CLIC4: variants seen among roughly 807,000 people sequenced by gnomAD.
The protein encoded by CLIC4 is CLIC family member 4.
A neutral mutation model predicts 24.6 loss-of-function variants in CLIC4; 13 were observed. The ratio of observed to expected loss-of-function variants is 0.53; its 90% CI spans 0.34 to 0.84. The LOEUF is 0.84. Ranked by LOEUF, CLIC4 falls within the 40% of genes least tolerant of loss-of-function variation. The pLI is 0.01. For synonymous variants in CLIC4, 104 were observed against 111.3 expected (o/e 0.93, Z 0.41); for missense variants, 227 against 301.7 (o/e 0.75, Z 1.83).
chr1:24,784,771 C>T (rs999300895), intron 1 of CLIC4, among the ~76,000 whole-genome samples: 3 of 151,914 alleles, frequency 2.0e-5, no homozygotes, highest in Admixed American at 6.6e-5. Context: ...TTTGGGAGGC[C>T]GAGGCAGGCG....
chr1:24,770,466 C>T (rs1399357751), intron 1 of CLIC4, among the ~76,000 whole-genome samples: 3 of 152,076 alleles, frequency 2.0e-5, no homozygotes, highest in African/African-American at 7.2e-5. Context: ...ATGAGATCAG[C>T]CAGTGCTTTT....
intron 3 of CLIC4, among the ~76,000 whole-genome samples, chr1:24,820,924 C>G (rs1310859471): frequency 6.6e-6 from 1 of 152,180 alleles, no homozygotes; most frequent in Non-Finnish European, 1.5e-5. Flanking sequence ...TGGCTCATGC[C>G]TGTAATCCCA....
intron 1 of CLIC4, among the ~76,000 whole-genome samples, chr1:24,757,537 C>T (rs1036093675): frequency 5.3e-5 from 8 of 151,880 alleles, no homozygotes; most frequent in Admixed American, 3.9e-4. Flanking sequence ...CCCAGGAGTT[C>T]GAGACCAGCC....
intron 4 of CLIC4, among the ~76,000 whole-genome samples, chr1:24,836,900 A>G (rs1639891164): frequency 1.3e-5 from 2 of 152,240 alleles, no homozygotes; most frequent in South Asian, 4.1e-4. Context: ...ATTAATTAGT[A>G]TATTTCTAAA....
At chr1:24,751,232 T>C (rs904539311) in intron 1 of CLIC4, among the ~76,000 whole-genome samples, 2 of 137,372 alleles carry the variant, frequency 1.5e-5, no homozygotes, top group African/African-American at 5.5e-5. Flanking sequence ...TTTTTTGAGA[T>C]GGAGTCTTGC....
intron 1 of CLIC4, 86 bp downstream of exon 1, chr1:24,745,711 G>T: frequency 8.9e-7 from 1 of 1,119,644 alleles, no homozygotes; most frequent in African/African-American, 1.6e-5. Flanking sequence ...CTCTCCTGAG[G>T]CGCCCCCGCT....
At chr1:24,826,518 G>C (rs904293632) in intron 3 of CLIC4, among the ~76,000 whole-genome samples, 3 of 152,228 alleles carry the variant, frequency 2.0e-5, no homozygotes, top group Non-Finnish European at 4.4e-5. Flanking sequence ...CTGAGCACTT[G>C]AAATGTGACT....
At chr1:24,763,041 T>G (rs796720477) in intron 1 of CLIC4, among the ~76,000 whole-genome samples, 3 of 152,286 alleles carry the variant, frequency 2.0e-5, no homozygotes, top group African/African-American at 7.2e-5. Context: ...GTATTGCTTC[T>G]TCGTATGAAT....
intron 1 of CLIC4, among the ~76,000 whole-genome samples, chr1:24,761,655 G>A (rs976645923): frequency 6.6e-6 from 1 of 152,162 alleles, no homozygotes; most frequent in Non-Finnish European, 1.5e-5. Context: ...GATTAGAGTT[G>A]CATCTTAATA....
chr1:24,791,255 A>G (rs1038305713), intron 1 of CLIC4, among the ~76,000 whole-genome samples: 3 of 152,206 alleles, frequency 2.0e-5, no homozygotes, highest in Admixed American at 6.5e-5. Flanking sequence ...GGTATAGAAT[A>G]AACGTATCCT....
intron 3 of CLIC4, among the ~76,000 whole-genome samples, chr1:24,817,023 C>T (rs1639677465): frequency 6.6e-6 from 1 of 152,308 alleles, no homozygotes; most frequent in East Asian, 1.9e-4. Context: ...AGACTCTTAA[C>T]AGAGTCAGCC....
intron 1 of CLIC4, among the ~76,000 whole-genome samples, chr1:24,793,623 A>G (rs1014922904): frequency 6.6e-6 from 1 of 152,192 alleles, no homozygotes; most frequent in African/African-American, 2.4e-5. Context: ...TTTTTGTACA[A>G]GTTATATGTA....
At chr1:24,747,095 A>ATTTT (rs749648001) in intron 1 of CLIC4, among the ~76,000 whole-genome samples, 3 of 120,272 alleles carry the variant, frequency 2.5e-5, no homozygotes, top group African/African-American at 6.1e-5. Context: ...TCAATTTTCG[A>ATTTT]TTTTTTTTTT....
rs563164170 is a variant in CLIC4 at position 24,809,741 on chromosome 1, A to G, written c.183-4353A>G. On this transcript the variant is annotated intron_variant, in intron 2 of 5. Coordinates refer to ENST00000374379, the MANE Select transcript of CLIC4 (RefSeq NM_013943.3). ...CTCACAAAGTGCTGGGATTACAAGC[A>G]TGAGCCACCATGCCCAGCCAATATT... is the stretch of plus-strand genomic sequence containing the variant. Among the ~76,000 whole-genome samples, 8 of 152,302 alleles carry G rather than the reference A, an allele frequency of 5.3e-5. No individual in the cohort carries two copies. The East Asian group carries it at 1.5e-3, about 29-fold the overall frequency.
intron 2 of CLIC4, among the ~76,000 whole-genome samples, chr1:24,811,091 A>G (rs1437427050): frequency 6.6e-6 from 1 of 152,122 alleles, no homozygotes; most frequent in African/African-American, 2.4e-5. Context: ...GAAAAAAAAA[A>G]AAAATCATTT....
At chr1:24,758,564 C>T (rs1198790790) in intron 1 of CLIC4, among the ~76,000 whole-genome samples, 2 of 152,048 alleles carry the variant, frequency 1.3e-5, no homozygotes, top group African/African-American at 4.8e-5. Context: ...TCAAGTGATT[C>T]TCTTGCCTCA....
At chr1:24,762,100 C>T (rs1212619348) in intron 1 of CLIC4, among the ~76,000 whole-genome samples, 1 of 152,100 alleles carries the variant, frequency 6.6e-6, no homozygotes, top group Non-Finnish European at 1.5e-5. Flanking sequence ...ATGACATACA[C>T]ACACACATAG....
intron 1 of CLIC4, among the ~76,000 whole-genome samples, chr1:24,770,354 A>G (rs1446589927): frequency 1.3e-5 from 2 of 152,136 alleles, no homozygotes; most frequent in African/African-American, 2.4e-5. Flanking sequence ...GAGAGAGGAA[A>G]TGACTGTTGG....
intron 2 of CLIC4, among the ~76,000 whole-genome samples, chr1:24,798,475 G>A (rs1472341513): frequency 1.3e-5 from 2 of 152,146 alleles, no homozygotes; most frequent in African/African-American, 2.4e-5. Flanking sequence ...ATTTTCCATA[G>A]TGGAGAGGGC....
Sources: allele counts gnomAD v4.1 joint callset (sites outside exome capture counted in the v4.1 genomes callset), GRCh38; gene constraint gnomAD v4.1.1; transcripts MANE v1.5; gene names NCBI Gene and HGNC (gene_info 2026-07-23, HGNC 2026-07-21).